Variants in ZSWIM5 observed in about 807,000 individuals in gnomAD.
The protein encoded by ZSWIM5 is zinc finger SWIM-type containing 5.
In ZSWIM5, 55 loss-of-function variants were observed where a neutral mutation model predicts 119.6. The observed-to-expected ratio is 0.46, with a 90% CI of 0.37 to 0.58. The LOEUF is 0.58. ZSWIM5 is among the 20% of genes least tolerant of loss of function. The pLI is 0.00. For synonymous variants in ZSWIM5, 537 were observed against 606.9 expected (o/e 0.88, Z 1.69); for missense variants, 1,193 against 1,512.8 (o/e 0.79, Z 3.51).
At chr1:45,108,522 G>A (rs1645495261) in intron 1 of ZSWIM5, among the ~76,000 whole-genome samples, 2 of 152,098 alleles carry the variant, frequency 1.3e-5, no homozygotes, top group Non-Finnish European at 2.9e-5. Flanking sequence ...TTTCCAGGAG[G>A]AAAGAGATTT....
chr1:45,149,855 A>G (rs185808305), intron 1 of ZSWIM5, among the ~76,000 whole-genome samples: 24 of 152,336 alleles, frequency 1.6e-4, no homozygotes, highest in Non-Finnish European at 3.2e-4. Context: ...TAACTTTTAA[A>G]CTACCATATA....
At chr1:45,142,248 C>T (rs1645731903) in intron 1 of ZSWIM5, among the ~76,000 whole-genome samples, 1 of 152,172 alleles carries the variant, frequency 6.6e-6, no homozygotes, top group Admixed American at 6.5e-5. Flanking sequence ...TTAGAGATAA[C>T]TACACATACA....
In ZSWIM5 at chr1:45,072,993, T is replaced by C. The variant is rs1469696498; in HGVS notation, c.953-12746A>G. ...CATTGGTATTTTGATAGGGATTACA[T>C]TGAATCTGTAGATTGAGTAGTATGA... is the stretch of plus-strand genomic sequence containing the variant. On this transcript the variant is annotated intron_variant, in intron 2 of 13. Transcript: ENST00000359600. The surrounding 1 kb of genome is among the most constrained non-coding windows in gnomAD (Gnocchi z 4.1). Among the ~76,000 whole-genome samples the C allele has an allele frequency of 6.6e-6, 1 of 152,000 alleles. No homozygotes were observed. Among genetic ancestry groups the C allele is most frequent in the Non-Finnish European group, 1.5e-5 (1 of 68,030 alleles).
intron 1 of ZSWIM5, among the ~76,000 whole-genome samples, chr1:45,131,373 C>A (rs1006180792): frequency 1.3e-5 from 2 of 151,998 alleles, no homozygotes; most frequent in Non-Finnish European, 2.9e-5. Flanking sequence ...ATATAATATT[C>A]TTGCCCCTGG....
chr1:45,186,532 T>C (rs1303285722), intron 1 of ZSWIM5, among the ~76,000 whole-genome samples: 5 of 151,996 alleles, frequency 3.3e-5, no homozygotes, highest in African/African-American at 9.6e-5. Context: ...GAAAAAGACA[T>C]GGAAAGAGAT....
intron 1 of ZSWIM5, among the ~76,000 whole-genome samples, chr1:45,129,341 T>C (rs922902385): frequency 6.6e-6 from 1 of 151,912 alleles, no homozygotes; most frequent in African/African-American, 2.4e-5. Context: ...TGTATTTTAA[T>C]AGAGACGAGG....
At chr1:45,094,063 T>G (rs1645384051) in intron 1 of ZSWIM5, among the ~76,000 whole-genome samples, 1 of 146,432 alleles carries the variant, frequency 6.8e-6, no homozygotes, top group Non-Finnish European at 1.5e-5. Context: ...ATTTATTTAT[T>G]TATTTATTTT....
At chr1:45,131,391 A>G (rs1341779667) in intron 1 of ZSWIM5, among the ~76,000 whole-genome samples, 1 of 152,212 alleles carries the variant, frequency 6.6e-6, no homozygotes, top group Non-Finnish European at 1.5e-5. Context: ...TGGTGAGCCA[A>G]TGAACTCACA....
Position 45,152,640 on chromosome 1 carries a change from A to G in ZSWIM5, c.595+53116T>C, listed in dbSNP as rs190546979. ...AGATTTAAATATAACATCTCAAACT[A>G]TAAGAATCATCTATAAGAAAACCTA... On this transcript the variant is annotated intron_variant, in intron 1 of 13. Transcript: ENST00000359600. Among the ~76,000 whole-genome samples the G allele has an allele frequency of 3.8e-3, 577 of 152,278 alleles. 3 individuals carry two copies. The highest frequency in any genetic ancestry group is 0.013 in the African/African-American group (557 of 41,576).
At chr1:45,158,866 C>T (rs1418624405) in intron 1 of ZSWIM5, among the ~76,000 whole-genome samples, 4 of 152,102 alleles carry the variant, frequency 2.6e-5, no homozygotes, top group Admixed American at 6.5e-5. Flanking sequence ...ATATGTCTTT[C>T]TTTTATTCTA....
At chr1:45,115,183 C>G (rs1284134573) in intron 1 of ZSWIM5, among the ~76,000 whole-genome samples, 6 of 151,852 alleles carry the variant, frequency 4.0e-5, no homozygotes, top group Non-Finnish European at 8.8e-5. Flanking sequence ...GGGGTGGCCG[C>G]CGGGCAGAGG....
chr1:45,039,170 T>G, intron 7 of ZSWIM5, 97 bp from the exon 8 acceptor site: 1 of 1,423,966 alleles, frequency 7.0e-7, no homozygotes, highest in East Asian at 2.3e-5. Context: ...GCCTTGACCC[T>G]GAGAGTCAAA....
chr1:45,039,013 A>C lies in ZSWIM5; in HGVS notation c.1817T>G (p.Leu606Arg), dbSNP rs772816732. Reference protein sequence around the residue: ...TNLEGWVGHPLDPIDCLFLTL... With the variant: ...TNLEGWVGHPRDPIDCLFLTL... ...GAGAAACAGGCAGTCGATGGGATCC[A>C]GGGGGTGGCCCACCCAGCCCTCCAG... The change falls in exon 8 of 14, where the codon CTG becomes CGG. Residue 606 changes from leucine (L) to arginine (R), a missense_variant. By Grantham distance (102) the Leu-to-Arg change is moderately radical. This residue lies in a region of ZSWIM5 where 961 missense variants were observed against 1,290.0 expected (regional missense o/e 0.74). Coordinates refer to ENST00000359600, the MANE Select transcript of ZSWIM5 (RefSeq NM_020883.2). 6.2e-7 allele frequency: 1 copy of C among 1,613,996 alleles called. No individual in the cohort carries two copies. Among genetic ancestry groups the C allele is most frequent in the African/African-American group, 1.3e-5 (1 of 74,918 alleles).
chr1:45,063,079 C>T (rs572824671), intron 2 of ZSWIM5, among the ~76,000 whole-genome samples: 20 of 152,160 alleles, frequency 1.3e-4, no homozygotes, highest in Non-Finnish European at 2.8e-4. Flanking sequence ...TGGTATTTGG[C>T]TTCCTATTTC....
chr1:45,151,053 G>C (rs1158967567), intron 1 of ZSWIM5, among the ~76,000 whole-genome samples: 1 of 152,048 alleles, frequency 6.6e-6, no homozygotes, highest in Non-Finnish European at 1.5e-5. Context: ...TCACTCCAAG[G>C]AGTCCAGAGC....
At chr1:45,186,183 T>C (rs1224897226) in intron 1 of ZSWIM5, among the ~76,000 whole-genome samples, 2 of 140,160 alleles carry the variant, frequency 1.4e-5, no homozygotes, top group African/African-American at 5.4e-5. Context: ...TTCTCACTCA[T>C]AGATGGGAAT....
chr1:45,034,490 C>T (rs760726973), intron 10 of ZSWIM5, 21 bp from the exon 11 acceptor site: 3 of 1,583,836 alleles, frequency 1.9e-6, no homozygotes, highest in Middle Eastern at 1.7e-4. Context: ...CAGGAAGAAT[C>T]ATCAGCCACC....
In ZSWIM5 at chr1:45,032,275, C is replaced by A. The variant is rs374703268; in HGVS notation, c.2449+2037G>T. On this transcript the variant is annotated intron_variant, in intron 11 of 13. Transcript: ENST00000359600. ...TCCTGAGTAGCTGGGACTACGGGTG[C>A]TTGCCAGTACACCTGGCTAATTTTT... is the stretch of plus-strand genomic sequence containing the variant. Among the ~76,000 whole-genome samples the A allele has an allele frequency of 4.0e-5, 6 of 149,242 alleles. No homozygotes were observed. The South Asian group carries it at 1.1e-3, about 27-fold the overall frequency.
rs1369907565 is a variant in ZSWIM5 at position 45,206,375 on chromosome 1, A to G, written c.-25T>C. On this transcript the variant is annotated 5_prime_UTR_variant, in exon 1 of 14. Coordinates refer to ENST00000359600, the MANE Select transcript of ZSWIM5 (RefSeq NM_020883.2). ...TTGCTGGGGACTGACTGACTGACTG[A>G]GGCGGCGGCGGCTGCTCGGGCTGCG... 1 of 1,361,962 alleles carries G rather than the reference A, an allele frequency of 7.3e-7. No individual in the cohort carries two copies. The highest frequency in any genetic ancestry group is 9.4e-7 in the Non-Finnish European group (1 of 1,059,690). The allele number at this position is 1,361,962 out of a possible 1,614,324, so 84.4% of individuals were successfully genotyped here.
Sources: gnomAD v4.1 joint callset for allele counts (sites outside exome capture counted in the v4.1 genomes callset) on GRCh38, gnomAD v4.1.1 for gene constraint, gnomAD v4.1.1 regional missense constraint, Gnocchi (gnomAD v3.1) non-coding constraint, MANE v1.5 for transcripts, NCBI Gene and HGNC (gene_info 2026-07-23, HGNC 2026-07-21) for gene names.